The following ADARB2 variants were observed in gnomAD, a reference collection of about 807,000 sequenced individuals.
ADARB2 encodes the protein inactive double-stranded RNA-specific editase B2.
In ADARB2, 25 loss-of-function variants were observed where a neutral mutation model predicts 62.2. That is an observed-to-expected ratio of 0.40 (90% CI 0.29 to 0.56). The LOEUF is 0.56. Ranked by LOEUF, ADARB2 falls within the 20% of genes least tolerant of loss-of-function variation. The pLI, the probability that ADARB2 is intolerant of heterozygous loss-of-function variation, is 0.43. For missense variants in ADARB2, 1,071 were observed against 1,077.4 expected, an observed-to-expected ratio of 0.99 and a Z score of 0.08; for synonymous variants, 572 against 500.8, an observed-to-expected ratio of 1.14 and a Z score of -1.90.
intron 1 of ADARB2, among the ~76,000 whole-genome samples, chr10:1,734,780 G>T (rs969338846): frequency 2.0e-5 from 3 of 152,094 alleles, no homozygotes; most frequent in African/African-American, 7.2e-5. Context: ...TTAAATTGTG[G>T]CAAGTATAGA....
intron 1 of ADARB2, among the ~76,000 whole-genome samples, chr10:1,484,186 G>A (rs1037329818): frequency 2.0e-5 from 3 of 152,172 alleles, no homozygotes; most frequent in Non-Finnish European, 4.4e-5. Flanking sequence ...TCTCTCTTCT[G>A]CAGACTTTAT....
Position 1,383,689 on chromosome 10 carries a change from C to G in ADARB2, c.101-4529G>C, listed in dbSNP as rs916755077. On this transcript the variant is annotated intron_variant, in intron 1 of 9. Transcript: ENST00000381312. ...TAGTCACACTGCATAGTCACTGGGA[C>G]ACGTCTTAGCTTTCTTGATGTATTT... 3.3e-4 allele frequency among the ~76,000 whole-genome samples: 50 copies of G among 152,216 alleles called. 2 individuals are homozygous for G. The highest frequency in any genetic ancestry group is 5.9e-5 in the Non-Finnish European group (4 of 68,052).
intron 4 of ADARB2, among the ~76,000 whole-genome samples, chr10:1,247,609 T>C (rs1203082759): frequency 1.3e-5 from 2 of 152,200 alleles, no homozygotes; most frequent in East Asian, 3.8e-4. Flanking sequence ...TGATGAGGCA[T>C]CAGGCAGCAT....
intron 6 of ADARB2, among the ~76,000 whole-genome samples, chr10:1,218,442 A>T (rs1397452117): frequency 6.6e-6 from 1 of 152,250 alleles, no homozygotes; most frequent in African/African-American, 2.4e-5. Flanking sequence ...TATAGTGATT[A>T]TATCATTTAC....
At chr10:1,371,739 C>T (rs1442868176) in intron 2 of ADARB2, among the ~76,000 whole-genome samples, 1 of 145,660 alleles carries the variant, frequency 6.9e-6, no homozygotes, top group African/African-American at 2.6e-5. Context: ...TAAAATCACA[C>T]TGAGATGTCA....
intron 4 of ADARB2, among the ~76,000 whole-genome samples, chr10:1,262,060 C>T (rs1020736206): frequency 7.0e-6 from 1 of 143,750 alleles, no homozygotes; most frequent in African/African-American, 2.7e-5. Context: ...CCAAACACCG[C>T]ATATTCTCAC....
At chr10:1,531,617 T>C (rs578194707) in intron 1 of ADARB2, among the ~76,000 whole-genome samples, 8 of 152,172 alleles carry the variant, frequency 5.3e-5, no homozygotes, top group African/African-American at 1.9e-4. Flanking sequence ...AGTGGGTGGA[T>C]CACAAGGTTT....
intron 3 of ADARB2, among the ~76,000 whole-genome samples, chr10:1,279,883 G>A (rs920377416): frequency 3.3e-5 from 5 of 152,156 alleles, no homozygotes; most frequent in East Asian, 3.9e-4. Context: ...ATTGCACCCC[G>A]AGTCCCACCC....
At chr10:1,552,369 C>T (rs1389697269) in intron 1 of ADARB2, among the ~76,000 whole-genome samples, 1 of 151,990 alleles carries the variant, frequency 6.6e-6, no homozygotes, top group East Asian at 2.0e-4. Context: ...GCCTGCAGAC[C>T]CACGGGTGAT....
chr10:1,391,313 G>C (rs1003970768), intron 1 of ADARB2, among the ~76,000 whole-genome samples: 1 of 152,248 alleles, frequency 6.6e-6, no homozygotes, highest in Non-Finnish European at 1.5e-5. Flanking sequence ...GGAGGGACCT[G>C]TGCACTAGGG....
Position 1,540,520 on chromosome 10 carries a change from AC to A in ADARB2, c.101-161361del, listed in dbSNP as rs1564322896. On this transcript the variant is annotated intron_variant, in intron 1 of 9. Coordinates refer to ENST00000381312, the MANE Select transcript of ADARB2 (RefSeq NM_018702.4). Reference sequence around the variant, plus strand: ...CCTGGATCACAGCCGCCCAGACCCCACTCAGACGTAGTTCAGACCCTGGATC... The same window carrying A: ...CCTGGATCACAGCCGCCCAGACCCCATCAGACGTAGTTCAGACCCTGGATC... Among the ~76,000 whole-genome samples, 156 of 112,734 alleles carry A rather than the reference AC, an allele frequency of 1.4e-3. 5 individuals are homozygous for A. Among genetic ancestry groups the A allele is most frequent in the African/African-American group, 3.7e-3 (106 of 28,674 alleles). The allele number at this position is 112,734 out of a possible 152,430, so 74.0% of individuals were successfully genotyped here. A position where few individuals can be genotyped will look rare whatever the true frequency, so the allele number is the denominator to read the frequency against.
chr10:1,339,502 C>T (rs1338594443), intron 3 of ADARB2, among the ~76,000 whole-genome samples: 1 of 152,220 alleles, frequency 6.6e-6, no homozygotes, highest in Non-Finnish European at 1.5e-5. Flanking sequence ...TCTCACATCC[C>T]TACGTTTGCT....
chr10:1,493,560 C>T (rs1022453361), intron 1 of ADARB2, among the ~76,000 whole-genome samples: 11 of 151,960 alleles, frequency 7.2e-5, no homozygotes, highest in East Asian at 3.9e-4. Flanking sequence ...CTGATCTCTC[C>T]GAACCTATTT....
In ADARB2 at chr10:1,426,680, A is replaced by T. The variant is rs1276095456; in HGVS notation, c.101-47520T>A. 1.3e-5 allele frequency among the ~76,000 whole-genome samples: 2 copies of T among 152,312 alleles called. No homozygotes were observed. The highest frequency in any genetic ancestry group is 1.3e-4 in the Admixed American group (2 of 15,304). On this transcript the variant is annotated intron_variant, in intron 1 of 9. Transcript: ENST00000381312. The surrounding 1 kb of genome is among the most constrained non-coding windows in gnomAD (Gnocchi z 4.1). ...GCTGAGCTTCTGAGACTCGGAGACCAGTGAACCTGCTTGCCACCCTGGGCA... is the reference window on the plus strand; with the variant it reads ...GCTGAGCTTCTGAGACTCGGAGACCTGTGAACCTGCTTGCCACCCTGGGCA...
chr10:1,223,430 C>G (rs1020595014), intron 6 of ADARB2, among the ~76,000 whole-genome samples: 1 of 152,142 alleles, frequency 6.6e-6, no homozygotes, highest in Non-Finnish European at 1.5e-5. Flanking sequence ...CCTGATTGCC[C>G]TGGCCAGAAC....
intron 3 of ADARB2, among the ~76,000 whole-genome samples, chr10:1,348,903 G>T (rs932324284): frequency 6.6e-6 from 1 of 152,198 alleles, no homozygotes; most frequent in Non-Finnish European, 1.5e-5. Flanking sequence ...CAGCGGCCCA[G>T]GAAGTCACCA....
intron 3 of ADARB2, among the ~76,000 whole-genome samples, chr10:1,335,349 T>G: frequency 1.4e-5 from 2 of 141,282 alleles, no homozygotes; most frequent in African/African-American, 2.7e-5. Flanking sequence ...GAAGAAAGGA[T>G]GAAGGGAAGG....
intron 1 of ADARB2, among the ~76,000 whole-genome samples, chr10:1,698,760 TTTA>T (rs1004582827): frequency 1.3e-5 from 2 of 152,086 alleles, no homozygotes. Context: ...TTTTAAAAAA[TTTA>T]TTATTATTAT....
intron 3 of ADARB2, among the ~76,000 whole-genome samples, chr10:1,295,547 C>T (rs1831515598): frequency 6.6e-6 from 1 of 151,966 alleles, no homozygotes; most frequent in African/African-American, 2.4e-5. Flanking sequence ...CTGAGTGCCG[C>T]TCTCTCTGGT....
Sources: allele counts gnomAD v4.1 joint callset (sites outside exome capture counted in the v4.1 genomes callset), GRCh38; gene constraint gnomAD v4.1.1; non-coding constraint Gnocchi (gnomAD v3.1); transcripts MANE v1.5; gene names NCBI Gene and HGNC (gene_info 2026-07-23, HGNC 2026-07-21).